The following CTNND2 variants were observed in gnomAD, a reference collection of about 807,000 sequenced individuals.
The protein encoded by CTNND2 is catenin delta-2.
Under a neutral mutation model 144.4 loss-of-function variants are expected in CTNND2, and 22 were observed. The ratio of observed to expected loss-of-function variants is 0.15; its 90% confidence interval spans 0.11 to 0.22. The LOEUF is 0.22. Among genes scored for constraint, CTNND2 ranks in the 10% least tolerant of loss-of-function variants. The pLI is 1.00. For missense variants in CTNND2, 1,353 were observed against 1,618.8 expected (o/e 0.84, Z 2.82); for synonymous variants, 751 against 695.6 (o/e 1.08, Z -1.25).
At chr5:11,446,876 G>T (rs1341289805) in intron 3 of CTNND2, among the ~76,000 whole-genome samples, 1 of 152,088 alleles carries the variant, frequency 6.6e-6, no homozygotes, top group Non-Finnish European at 1.5e-5. Flanking sequence ...AGGAGCAGGG[G>T]AGTGTTGGTG....
At chr5:11,247,989 T>C (rs1033167788) in intron 9 of CTNND2, among the ~76,000 whole-genome samples, 3 of 152,184 alleles carry the variant, frequency 2.0e-5, no homozygotes, top group African/African-American at 7.2e-5. Context: ...AGGTTCTGTC[T>C]GGTGGTAACA....
intron 8 of CTNND2, among the ~76,000 whole-genome samples, chr5:11,347,122 T>C (rs1754880209): frequency 1.3e-5 from 2 of 152,194 alleles, no homozygotes; most frequent in South Asian, 2.1e-4. Flanking sequence ...AGGGAGTGTA[T>C]GCATGGGGGT....
chr5:11,311,284 TCA>T (rs1750814951), intron 9 of CTNND2, among the ~76,000 whole-genome samples: 1 of 100,660 alleles, frequency 9.9e-6, no homozygotes, highest in African/African-American at 3.7e-5. Flanking sequence ...CACCCTCACC[TCA>T]CATGCACATA....
chr5:11,231,155 A>G (rs1303924097), intron 10 of CTNND2, among the ~76,000 whole-genome samples: 1 of 152,116 alleles, frequency 6.6e-6, no homozygotes, highest in Non-Finnish European at 1.5e-5. Flanking sequence ...CCCCGTGAAA[A>G]GGTGCCTTCT....
intron 1 of CTNND2, among the ~76,000 whole-genome samples, chr5:11,882,867 G>T (rs565214014): frequency 2.0e-5 from 3 of 152,166 alleles, no homozygotes; most frequent in East Asian, 3.9e-4. Context: ...TTTTCAGCAT[G>T]ATTGAATTGA....
At chr5:11,726,576 T>G (rs768479580) in intron 2 of CTNND2, among the ~76,000 whole-genome samples, 1 of 152,308 alleles carries the variant, frequency 6.6e-6, no homozygotes, top group Non-Finnish European at 1.5e-5. Context: ...TCATAAAAAT[T>G]ACTAAAACAC....
intron 16 of CTNND2, among the ~76,000 whole-genome samples, chr5:11,058,183 T>C (rs763100277): frequency 5.9e-5 from 9 of 152,288 alleles, no homozygotes; most frequent in Non-Finnish European, 1.2e-4. Context: ...AGGAGCTGAA[T>C]GTTAATCCCC....
rs1218014205 is a variant in CTNND2 at position 10,973,150 on chromosome 5, G to A, written c.*303C>T. The A allele has an allele frequency of 2.3e-5, 6 of 257,986 alleles. No individual in the cohort carries two copies. Among genetic ancestry groups the A allele is most frequent in the East Asian group, 2.2e-4 (3 of 13,628 alleles). 16.0% of individuals were successfully genotyped at this position (257,986 alleles called of 1,614,324 possible). A position where few individuals can be genotyped will look rare whatever the true frequency, so the allele number is the denominator to read the frequency against. ...TACGCCCCACCGGCCCGAATGCCTC[G>A]TCTCTCCTCCCATCAACCACGTTCA... On this transcript the variant is annotated 3_prime_UTR_variant, in exon 22 of 22. Transcript: ENST00000304623. This position sits in a 1 kb window ranked among gnomAD's most constrained non-coding sequence, Gnocchi z 5.6.
At chr5:11,164,765 T>C (rs1397571741) in intron 11 of CTNND2, among the ~76,000 whole-genome samples, 1 of 152,238 alleles carries the variant, frequency 6.6e-6, no homozygotes, top group Non-Finnish European at 1.5e-5. Context: ...TGGATCAGTC[T>C]AGTCTACCTT....
At chr5:11,802,123 A>T (rs1791720479) in intron 1 of CTNND2, among the ~76,000 whole-genome samples, 5 of 151,968 alleles carry the variant, frequency 3.3e-5, no homozygotes, top group Admixed American at 3.3e-4. Context: ...AAACACAAAA[A>T]TTAGCCATGT....
At chr5:11,227,472 C>G (rs577363886) in intron 10 of CTNND2, among the ~76,000 whole-genome samples, 31 of 152,260 alleles carry the variant, frequency 2.0e-4, no homozygotes, top group African/African-American at 7.5e-4. Context: ...AATACAGGCT[C>G]TTTTCCAAAA....
At chr5:11,631,374 C>T (rs1367605259) in intron 2 of CTNND2, among the ~76,000 whole-genome samples, 1 of 152,214 alleles carries the variant, frequency 6.6e-6, no homozygotes, top group Non-Finnish European at 1.5e-5. Context: ...GAAGACTATA[C>T]ACACACTTTA....
At chr5:11,092,041 C>G (rs1289735192) in intron 15 of CTNND2, among the ~76,000 whole-genome samples, 1 of 152,162 alleles carries the variant, frequency 6.6e-6, no homozygotes, top group African/African-American at 2.4e-5. Context: ...CTACCGAGAT[C>G]CCCCTGGTCC....
intron 2 of CTNND2, among the ~76,000 whole-genome samples, chr5:11,700,577 G>A (rs1022312641): frequency 6.6e-6 from 1 of 152,126 alleles, no homozygotes; most frequent in Admixed American, 6.5e-5. Context: ...GCACATTTGT[G>A]AGCTCTTTTC....
chr5:11,641,904 G>A (rs1333800477), intron 2 of CTNND2, among the ~76,000 whole-genome samples: 3 of 151,310 alleles, frequency 2.0e-5, no homozygotes, highest in African/African-American at 7.3e-5. Context: ...GATTCTTTAG[G>A]TAATACAAAA....
At chr5:11,151,373 G>T (rs906708505) in intron 12 of CTNND2, among the ~76,000 whole-genome samples, 5 of 152,190 alleles carry the variant, frequency 3.3e-5, no homozygotes, top group African/African-American at 1.2e-4. Flanking sequence ...AGTTATGAAG[G>T]ATTTAAAGAA....
intron 10 of CTNND2, among the ~76,000 whole-genome samples, chr5:11,209,941 G>A (rs1738459319): frequency 6.6e-6 from 1 of 151,956 alleles, no homozygotes; most frequent in Admixed American, 6.6e-5. Flanking sequence ...AACAAAAAAA[G>A]TGTAAATATA....
At chr5:11,141,732 G>C (rs1756747411) in intron 12 of CTNND2, among the ~76,000 whole-genome samples, 1 of 152,172 alleles carries the variant, frequency 6.6e-6, no homozygotes, top group Non-Finnish European at 1.5e-5. Context: ...TGAAGGTTCT[G>C]CATCTTCATC....
At chr5:11,616,641 T>C (rs973128767) in intron 2 of CTNND2, among the ~76,000 whole-genome samples, 2 of 151,362 alleles carry the variant, frequency 1.3e-5, no homozygotes, top group Non-Finnish European at 2.9e-5. Flanking sequence ...GTAGTCTCAT[T>C]CTGTCATCCA....
Sources: gnomAD v4.1 joint callset for allele counts (sites outside exome capture counted in the v4.1 genomes callset) on GRCh38, gnomAD v4.1.1 for gene constraint, Gnocchi (gnomAD v3.1) non-coding constraint, MANE v1.5 for transcripts, NCBI Gene and HGNC (gene_info 2026-07-23, HGNC 2026-07-21) for gene names.